Variants in CORIN observed in about 807,000 individuals in gnomAD.
CORIN encodes the protein atrial natriuretic peptide-converting enzyme.
CORIN carries 117 observed loss-of-function variants against 125.3 expected under a neutral mutation model. The observed-to-expected ratio is 0.93, with a 90% CI of 0.80 to 1.09. The LOEUF is 1.09. CORIN is among the 50% of genes least tolerant of loss of function. CORIN has a pLI of 0.00. For missense variants in CORIN, 1,253 were observed against 1,306.7 expected (o/e 0.96, Z 0.63); for synonymous variants, 450 against 466.4 (o/e 0.96, Z 0.45).
chr4:47,827,163 A>T (rs554518276), intron 1 of CORIN, among the ~76,000 whole-genome samples: 3 of 152,234 alleles, frequency 2.0e-5, no homozygotes, highest in Admixed American at 6.5e-5. Flanking sequence ...ATTAACTTTC[A>T]GTTGTTTTAT....
intron 5 of CORIN, among the ~76,000 whole-genome samples, chr4:47,710,835 A>G (rs1290363033): frequency 6.6e-6 from 1 of 152,190 alleles, no homozygotes; most frequent in Non-Finnish European, 1.5e-5. Flanking sequence ...ACGCTATACC[A>G]TCTAGTCTAT....
intron 5 of CORIN, among the ~76,000 whole-genome samples, chr4:47,705,403 G>A (rs1246169865): frequency 6.6e-6 from 1 of 152,220 alleles, no homozygotes; most frequent in South Asian, 2.1e-4. Flanking sequence ...TGTGGCTGAA[G>A]GACCCAGAAG....
intron 1 of CORIN, among the ~76,000 whole-genome samples, chr4:47,828,865 A>G (rs1191285359): frequency 6.6e-6 from 1 of 151,868 alleles, no homozygotes; most frequent in African/African-American, 2.4e-5. Context: ...CTTGTTATGA[A>G]AAAAAAAGGT....
At position 47,626,528 on chromosome 4, in the gene CORIN, C is replaced by G; in HGVS notation, c.2199-7G>C. On this transcript the variant is annotated splice_polypyrimidine_tract_variant and splice_region_variant and intron_variant, in intron 16 of 21. Transcript: ENST00000273857. ...TTTGGTCACAGATGGTTCTCTGATACAAGGCAAATACTGGATAAGTATTCA... is the reference window on the plus strand; with the variant it reads ...TTTGGTCACAGATGGTTCTCTGATAGAAGGCAAATACTGGATAAGTATTCA... The G allele has an allele frequency of 1.3e-6, 2 of 1,545,524 alleles. No individual in the cohort carries two copies. The highest frequency in any genetic ancestry group is 1.8e-6 in the Non-Finnish European group (2 of 1,117,702).
At chr4:47,734,980 C>T (rs2109821619) in intron 5 of CORIN, among the ~76,000 whole-genome samples, 1 of 152,138 alleles carries the variant, frequency 6.6e-6, no homozygotes, top group East Asian at 1.9e-4. Context: ...ATTACTTTTA[C>T]TTTTTCAGAG....
intron 16 of CORIN, among the ~76,000 whole-genome samples, chr4:47,627,632 A>C (rs1330696102): frequency 1.3e-5 from 2 of 152,298 alleles, no homozygotes; most frequent in African/African-American, 4.8e-5. Flanking sequence ...CCGGCTCTCC[A>C]TCAATTCCAG....
intron 5 of CORIN, among the ~76,000 whole-genome samples, chr4:47,727,856 G>C (rs1029827423): frequency 6.6e-6 from 1 of 152,098 alleles, no homozygotes; most frequent in Admixed American, 6.6e-5. Context: ...TACATTCACA[G>C]TTAAAATTTT....
At chr4:47,786,631 C>G in intron 3 of CORIN, 94 bp downstream of exon 3, 1 of 897,110 alleles carries the variant, frequency 1.1e-6, no homozygotes, top group Non-Finnish European at 1.8e-6. Context: ...GTGTGACCGG[C>G]AAGTGATTGT....
intron 19 of CORIN, among the ~76,000 whole-genome samples, chr4:47,619,577 G>T (rs1274011547): frequency 1.3e-5 from 2 of 152,160 alleles, no homozygotes; most frequent in Non-Finnish European, 2.9e-5. Context: ...TCACAGTTTT[G>T]TTAAATTTAG....
intron 19 of CORIN, among the ~76,000 whole-genome samples, chr4:47,621,285 G>A (rs1216354531): frequency 1.3e-5 from 2 of 152,140 alleles, no homozygotes; most frequent in Admixed American, 1.3e-4. Context: ...TTTTTGGGAA[G>A]CTTGCTTTGG....
At chr4:47,744,347 A>G (rs1728558347) in intron 5 of CORIN, 55 bp downstream of exon 5, 1 of 1,473,204 alleles carries the variant, frequency 6.8e-7, no homozygotes, top group Non-Finnish European at 9.4e-7. Context: ...ATTCCTGTAT[A>G]AATGGCATAC....
At chr4:47,653,747 A>C (rs1723841118) in intron 12 of CORIN, 87 bp from the exon 13 acceptor site, 4 of 1,182,004 alleles carry the variant, frequency 3.4e-6, no homozygotes, top group African/African-American at 1.5e-5. Context: ...GTTGTCAAGG[A>C]GCTTTTACTG....
intron 4 of CORIN, among the ~76,000 whole-genome samples, chr4:47,745,413 G>A (rs1008163768): frequency 1.3e-5 from 2 of 152,232 alleles, no homozygotes; most frequent in Non-Finnish European, 2.9e-5. Flanking sequence ...AACTGGGAAA[G>A]AAAATAGACA....
At chr4:47,816,101 T>A (rs930536339) in intron 1 of CORIN, among the ~76,000 whole-genome samples, 12 of 152,226 alleles carry the variant, frequency 7.9e-5, no homozygotes, top group Admixed American at 5.2e-4. Context: ...CAAAGTGGAT[T>A]TTATGCTCTA....
chr4:47,665,158 C>A lies in CORIN; in HGVS notation c.1463G>T (p.Ser488Ile), dbSNP rs774413600. 15 of 1,613,934 alleles carry A rather than the reference C, an allele frequency of 9.3e-6. 1 individual carries two copies. In the South Asian group the frequency reaches 1.6e-4, roughly 18 times the overall value. Reference sequence around the variant, plus strand: ...TGCAGGGAAAAGAGAAGACTCCCAGCTGATGGATGCTTCCTTTTGAGTCCT... The same window carrying A: ...TGCAGGGAAAAGAGAAGACTCCCAGATGATGGATGCTTCCTTTTGAGTCCT... ...GHRTQKEASI[S>I]WESSLFPALV... The change falls in exon 11 of 22, where the codon AGC (serine) becomes ATC (isoleucine). Residue 488 changes from serine (S) to isoleucine (I), a missense_variant. Physicochemically the swap from Ser to Ile is moderately radical, Grantham distance 142 (BLOSUM62 -2). Transcript: ENST00000273857.
intron 11 of CORIN, 30 bp from the exon 12 acceptor site, chr4:47,661,886 A>T: frequency 6.4e-7 from 1 of 1,563,462 alleles, no homozygotes; most frequent in Non-Finnish European, 8.7e-7. Flanking sequence ...AAAACATTAG[A>T]AGCAGAAATA....
intron 9 of CORIN, among the ~76,000 whole-genome samples, chr4:47,675,488 C>G (rs1724974354): frequency 6.6e-6 from 1 of 151,982 alleles, no homozygotes; most frequent in Non-Finnish European, 1.5e-5. Flanking sequence ...TTTCTCAAAG[C>G]AAACCTAAAC....
intron 1 of CORIN, among the ~76,000 whole-genome samples, chr4:47,813,026 A>G (rs1732124152): frequency 6.6e-6 from 1 of 152,148 alleles, no homozygotes; most frequent in Admixed American, 6.6e-5. Context: ...AACTCCTTAC[A>G]CCTTGGAATC....
At chr4:47,602,606 A>G (rs1342672168) in intron 20 of CORIN, among the ~76,000 whole-genome samples, 1 of 152,108 alleles carries the variant, frequency 6.6e-6, no homozygotes, top group African/African-American at 2.4e-5. Flanking sequence ...GCAGATAGAG[A>G]GAGTCCAAAG....
Sources: gnomAD v4.1 joint callset for allele counts (sites outside exome capture counted in the v4.1 genomes callset) on GRCh38, gnomAD v4.1.1 for gene constraint, MANE v1.5 for transcripts, NCBI Gene and HGNC (gene_info 2026-07-23, HGNC 2026-07-21) for gene names.